The following GALNT5 variants were observed in gnomAD, a reference collection of about 807,000 sequenced individuals.
GALNT5 encodes UDP-GalNAc:polypeptide N-acetylgalactosaminyltransferase 5.
Under a neutral mutation model 85.4 loss-of-function variants are expected in GALNT5, and 72 were observed. The ratio of observed to expected loss-of-function variants is 0.84; its 90% CI spans 0.70 to 1.03. GALNT5 has a LOEUF of 1.03. GALNT5 is among the 50% of genes least tolerant of loss of function. The pLI is 0.00. For synonymous variants in GALNT5, 404 were observed against 397.0 expected (o/e 1.02, Z -0.21); for missense variants, 1,137 against 1,135.5 (o/e 1.00, Z -0.02).
At position 157,312,741 on chromosome 2, in the gene GALNT5, G is replaced by C. The variant is rs533245401; in HGVS notation, c.*1393G>C. On this transcript the variant is annotated 3_prime_UTR_variant, in exon 10 of 10. Coordinates refer to ENST00000259056, the MANE Select transcript of GALNT5 (RefSeq NM_014568.3). ...ATTAGAATTCAGGTTTCCAGAGACA[G>C]GGCTCATTCTAATGCCTCAGGTCAC... 1 of 152,244 alleles carries C rather than the reference G, an allele frequency of 6.6e-6. No homozygotes were observed. Among genetic ancestry groups the C allele is most frequent in the East Asian group, 1.9e-4 (1 of 5,182 alleles). 9.4% of individuals were successfully genotyped at this position (152,244 alleles called of 1,614,324 possible). A position where few individuals can be genotyped will look rare whatever the true frequency, so the allele number is the denominator to read the frequency against.
rs759998391 is a variant in GALNT5, at chr2:157,300,701, A to C, written c.2141A>C (p.Glu714Ala). ...GTGTGGATGTGTGGTGGTGAAATTG[A>C]GATCATTCCCTGCTCCCGAGTGGGC... ...FKVWMCGGEIEIIPCSRVGHI... is the reference protein window; with the variant it reads ...FKVWMCGGEIAIIPCSRVGHI... Residue 714 changes from glutamate (E) to alanine (A), a missense_variant, in exon 7 of 10, where the codon GAG becomes GCG. By Grantham distance (107) the Glu-to-Ala change is moderately radical. Coordinates refer to ENST00000259056, the MANE Select transcript of GALNT5 (RefSeq NM_014568.3). The C allele has an allele frequency of 1.9e-6, 3 of 1,613,092 alleles. No homozygotes were observed. Among genetic ancestry groups the C allele is most frequent in the Non-Finnish European group, 2.5e-6 (3 of 1,179,144 alleles).
In GALNT5 at chr2:157,313,578, C is replaced by G. The variant is rs754972615; in HGVS notation, c.*2230C>G. The stretch of plus-strand genomic sequence containing the variant: ...GTGCCTCATGTAATTCTTCATGTAA[C>G]TAAAAAATGTTGAGAGGTTTTTTTC... On this transcript the variant is annotated 3_prime_UTR_variant, in exon 10 of 10. Coordinates refer to ENST00000259056, the MANE Select transcript of GALNT5 (RefSeq NM_014568.3). 4.6e-5 allele frequency: 7 copies of G among 152,140 alleles called. No homozygotes were observed. Among genetic ancestry groups the G allele is most frequent in the Non-Finnish European group, 8.8e-5 (6 of 68,020 alleles). 9.4% of individuals were successfully genotyped at this position (152,140 alleles called of 1,614,324 possible). A position where few individuals can be genotyped will look rare whatever the true frequency, so the allele number is the denominator to read the frequency against.
chr2:157,289,921 A>G (rs1683057219), intron 3 of GALNT5, among the ~76,000 whole-genome samples: 1 of 151,828 alleles, frequency 6.6e-6, no homozygotes, highest in East Asian at 1.9e-4. Context: ...AAAATACAAA[A>G]AAATTAGCTG....
chr2:157,287,686 T>C (rs534038486), intron 3 of GALNT5, among the ~76,000 whole-genome samples: 2 of 152,214 alleles, frequency 1.3e-5, no homozygotes, highest in African/African-American at 4.8e-5. Flanking sequence ...AAAGGCCGTA[T>C]GCCTTCTTTT....
chr2:157,300,687 T>C lies in GALNT5; in HGVS notation c.2127T>C (p.Cys709=), dbSNP rs201282094. 17 of 1,610,042 alleles carry C rather than the reference T, an allele frequency of 1.1e-5. No homozygotes were observed. Among genetic ancestry groups the C allele is most frequent in the Admixed American group, 5.0e-5 (3 of 59,974 alleles). ...NMELSFKVWM[C]GGEIEIIPCS... ...TCAAATTCTTCCAGGTGTGGATGTGTGGTGGTGAAATTGAGATCATTCCCT... is the reference window on the plus strand; with the variant it reads ...TCAAATTCTTCCAGGTGTGGATGTGCGGTGGTGAAATTGAGATCATTCCCT... Residue 709 remains cysteine (C), a synonymous_variant, in exon 7 of 10, where the codon TGT becomes TGC. Coordinates refer to ENST00000259056, the MANE Select transcript of GALNT5 (RefSeq NM_014568.3).
At chr2:157,301,318 T>C (rs947216090) in intron 7 of GALNT5, among the ~76,000 whole-genome samples, 4 of 152,196 alleles carry the variant, frequency 2.6e-5, no homozygotes, top group Non-Finnish European at 5.9e-5. Flanking sequence ...AGAAGAAAGA[T>C]TATAAACAAA....
rs1275971113 is a variant in GALNT5, at chr2:157,300,944, ACTTGGAGAATGTCTTTC to A, written c.2387_2403del (p.Leu796Ter). 1 of 1,613,998 alleles carries A rather than the reference ACTTGGAGAATGTCTTTC, an allele frequency of 6.2e-7. No homozygotes were observed. Among genetic ancestry groups the A allele is most frequent in the Non-Finnish European group, 8.5e-7 (1 of 1,179,982 alleles). ...CTGAAGTGCAAAAGTTTCAAATGGT[ACTTGGAGAATGTCTTTC>A]CTGACTTAAGGGCTCCCATTGTGAG... On this transcript the variant is annotated frameshift_variant, in exon 7 of 10. Coordinates refer to ENST00000259056, the MANE Select transcript of GALNT5 (RefSeq NM_014568.3). LOFTEE classifies it high-confidence loss of function.
chr2:157,263,162 G>C (rs559883065), intron 1 of GALNT5, among the ~76,000 whole-genome samples: 21 of 150,768 alleles, frequency 1.4e-4, no homozygotes, highest in Admixed American at 1.2e-3. Flanking sequence ...ACTCCTTTCT[G>C]TTCTCAGGGT....
chr2:157,308,601 T>G lies in GALNT5; in HGVS notation c.2555T>G (p.Ile852Ser), dbSNP rs934121700. ...QQFNYTWLRL[I>S]KCGEWCIAPI... ...TTTAATTACACCTGGTTAAGACTTA[T>G]TAAATGTGGAGAATGGTGTATAGCC... The change falls in exon 9 of 10, where the codon ATT (isoleucine) becomes AGT (serine). Residue 852 changes from isoleucine to serine, a missense_variant. By Grantham distance (142) the Ile-to-Ser change is moderately radical (BLOSUM62 -2). Coordinates refer to ENST00000259056, the MANE Select transcript of GALNT5 (RefSeq NM_014568.3). 16 of 1,613,428 alleles carry G rather than the reference T, an allele frequency of 9.9e-6. No individual in the cohort carries two copies. The highest frequency in any genetic ancestry group is 1.4e-5 in the Non-Finnish European group (16 of 1,179,662).
chr2:157,305,669 C>G (rs528215194), intron 7 of GALNT5, 80 bp from the exon 8 acceptor site: 1 of 792,934 alleles, frequency 1.3e-6, no homozygotes, highest in East Asian at 2.6e-5. Flanking sequence ...GTTTTATATT[C>G]TGTATTTTCT....
chr2:157,309,506 G>A (rs995213202), intron 9 of GALNT5, among the ~76,000 whole-genome samples: 5 of 152,128 alleles, frequency 3.3e-5, no homozygotes, highest in South Asian at 2.1e-4. Flanking sequence ...TGGGATTGGC[G>A]AGAATAGTCT....
intron 1 of GALNT5, among the ~76,000 whole-genome samples, chr2:157,279,375 T>C (rs779047346): frequency 6.6e-6 from 1 of 152,238 alleles, no homozygotes; most frequent in Admixed American, 6.5e-5. Flanking sequence ...GACAGGGACA[T>C]TTAAATCTGC....
chr2:157,281,606 CAGAAAAAA>C (rs1682856345), intron 1 of GALNT5, among the ~76,000 whole-genome samples: 1 of 149,320 alleles, frequency 6.7e-6, no homozygotes, highest in South Asian at 2.1e-4. Flanking sequence ...GACTCTATTT[CAGAAAAAA>C]AGAAAGAAAG....
chr2:157,293,503 A>G (rs11890241), intron 3 of GALNT5, among the ~76,000 whole-genome samples: 20,198 of 152,216 alleles, frequency 0.13, 2,781 homozygotes, highest in African/African-American at 0.35. Flanking sequence ...TGACACGTAC[A>G]TTCAGACCAT....
intron 1 of GALNT5, among the ~76,000 whole-genome samples, chr2:157,277,146 T>C (rs1682748620): frequency 6.6e-6 from 1 of 152,242 alleles, no homozygotes; most frequent in South Asian, 2.1e-4. Context: ...GTAAATTTCT[T>C]AATCCTGAGT....
Position 157,308,624 on chromosome 2 carries a change from GC to G in GALNT5, c.2583del (p.Ile862SerfsTer7), listed in dbSNP as rs1683503707. On this transcript the variant is annotated frameshift_variant, in exon 9 of 10. Transcript: ENST00000259056. LOFTEE classifies it high-confidence loss of function. ...TATTAAATGTGGAGAATGGTGTATA[GC>G]CCCCATCCCTGATAAAGGAGCCGTA... ...RLIKCGEWCI[A>X]PIPDKGAVRL... 3 of 1,613,334 alleles carry G rather than the reference GC, an allele frequency of 1.9e-6. No homozygotes were observed. Among genetic ancestry groups the G allele is most frequent in the Non-Finnish European group, 2.5e-6 (3 of 1,179,330 alleles).
intron 1 of GALNT5, among the ~76,000 whole-genome samples, chr2:157,273,800 G>A (rs1045385200): frequency 3.3e-5 from 5 of 151,578 alleles, no homozygotes; most frequent in African/African-American, 1.2e-4. Context: ...CCGCCACCAT[G>A]CCAGGGTAAT....
chr2:157,287,622 C>A lies in GALNT5; in HGVS notation c.1741+1488C>A, dbSNP rs185970593. ...AATGTTTTAATTCTATAATCCTCAC[C>A]CCTCTCTTCTCTGACCCATGTCTAT... On this transcript the variant is annotated intron_variant, in intron 3 of 9. Coordinates refer to ENST00000259056, the MANE Select transcript of GALNT5 (RefSeq NM_014568.3). Among the ~76,000 whole-genome samples the A allele has an allele frequency of 9.9e-5, 15 of 152,250 alleles. No individual in the cohort carries two copies. The East Asian group carries it at 2.7e-3, about 27-fold the overall frequency.
At chr2:157,305,142 T>C (rs888617902) in intron 7 of GALNT5, among the ~76,000 whole-genome samples, 2 of 152,182 alleles carry the variant, frequency 1.3e-5, no homozygotes, top group African/African-American at 4.8e-5. Context: ...ACCTCCATAT[T>C]TGACCCTGTA....
Sources: allele counts gnomAD v4.1 joint callset (sites outside exome capture counted in the v4.1 genomes callset), GRCh38; gene constraint gnomAD v4.1.1; transcripts MANE v1.5; gene names NCBI Gene and HGNC (gene_info 2026-07-23, HGNC 2026-07-21).